ZNF750: variants seen among roughly 807,000 people sequenced by gnomAD.
ZNF750 encodes zinc finger protein 750, also known as protein ZNF750.
ZNF750 carries 10 observed loss-of-function variants against 31.6 expected under a neutral mutation model. The observed-to-expected ratio is 0.32, with a 90% CI of 0.19 to 0.54. ZNF750 has a LOEUF of 0.54. ZNF750 is among the 20% of genes least tolerant of loss of function. ZNF750 has a pLI of 0.95. For synonymous variants in ZNF750, 400 were observed against 404.9 expected, an observed-to-expected ratio of 0.99 and a Z score of 0.15; for missense variants, 914 against 934.9, an observed-to-expected ratio of 0.98 and a Z score of 0.29.
At chr17:82,836,696 AAAC>A (rs1477788967) in intron 1 of ZNF750, among the ~76,000 whole-genome samples, 25 of 143,364 alleles carry the variant, frequency 1.7e-4, no homozygotes, top group African/African-American at 6.8e-4. Flanking sequence ...GCAAAAAAAA[AAAC>A]AAAACAAAAC....
intron 1 of ZNF750, among the ~76,000 whole-genome samples, chr17:82,834,089 C>T (rs1465502883): frequency 2.0e-5 from 3 of 152,148 alleles, no homozygotes; most frequent in East Asian, 1.9e-4. Flanking sequence ...GAATTACAGG[C>T]GCCCACCACC....
chr17:82,839,825 G>A (rs546866090), intron 1 of ZNF750, 102 bp downstream of exon 1: 1 of 152,374 alleles, frequency 6.6e-6, no homozygotes, highest in South Asian at 2.1e-4. Flanking sequence ...GCAAGGCAGA[G>A]CAGACACGGA....
rs2053639637 is a variant in ZNF750 at position 82,832,862 on chromosome 17, T to G, written c.-182-226A>C. 6.6e-6 allele frequency among the ~76,000 whole-genome samples: 1 copy of G among 152,204 alleles called. No homozygotes were observed. The highest frequency in any genetic ancestry group is 1.5e-5 in the Non-Finnish European group (1 of 68,036). ...TGTTTTCTGTTTTCTGAGTCTGATC[T>G]GAAAGAGTCACCTCGGGGCCTAGAG... On this transcript the variant is annotated intron_variant, in intron 1 of 2. Transcript: ENST00000269394. This position sits in a 1 kb window ranked among gnomAD's most constrained non-coding sequence, Gnocchi z 4.9.
Position 82,830,704 on chromosome 17 carries a change from T to G in ZNF750, c.1610A>C (p.Gln537Pro). The G allele has an allele frequency of 1.2e-6, 2 of 1,614,046 alleles. No individual in the cohort carries two copies. Among genetic ancestry groups the G allele is most frequent in the Non-Finnish European group, 1.7e-6 (2 of 1,180,020 alleles). Residue 537 changes from glutamine (Q) to proline (P), a missense_variant, in exon 3 of 3, where the codon CAG (glutamine) becomes CCG (proline). Physicochemically the swap from Gln to Pro is moderately conservative, Grantham distance 76. Transcript: ENST00000269394. Reference sequence around the variant, plus strand: ...CTCTGAGAAGCTGGCGGTTTCCGCCTGGGGGCTGCCTTGGTACGTGGGTTC... The same window carrying G: ...CTCTGAGAAGCTGGCGGTTTCCGCCGGGGGGCTGCCTTGGTACGTGGGTTC... Reference protein sequence around the residue: ...THEPTYQGSPQAETASFSELQ... With the variant: ...THEPTYQGSPPAETASFSELQ...
Position 82,833,498 on chromosome 17 carries a change from T to C in ZNF750, c.-182-862A>G, listed in dbSNP as rs1424287244. ...GTCTCAGATATGAATACAAATGCTA[T>C]ATTTATGTTGACTTAAATGGTTGAA... is the stretch of plus-strand genomic sequence containing the variant. On this transcript the variant is annotated intron_variant, in intron 1 of 2. Transcript: ENST00000269394. This position sits in a 1 kb window ranked among gnomAD's most constrained non-coding sequence, Gnocchi z 4.7. Among the ~76,000 whole-genome samples the C allele has an allele frequency of 6.6e-6, 1 of 152,246 alleles. No individual in the cohort carries two copies. Among genetic ancestry groups the C allele is most frequent in the East Asian group, 1.9e-4 (1 of 5,194 alleles).
In ZNF750 at chr17:82,832,189, T is replaced by C; in HGVS notation, c.266A>G (p.Lys89Arg). 2 of 1,614,254 alleles carry C rather than the reference T, an allele frequency of 1.2e-6. No homozygotes were observed. Among genetic ancestry groups the C allele is most frequent in the Non-Finnish European group, 1.7e-6 (2 of 1,180,044 alleles). The part of the protein sequence containing the change: ...PDATAKPASS[K>R]SVANGLSAFD... ...GGCAGAGAGTCCATTTGCGACAGAC[T>C]TGGAAGAGGCTGGCTTCGCCGTGGC... The change falls in exon 2 of 3, where the codon AAG (lysine) becomes AGG (arginine). Residue 89 changes from lysine to arginine, a missense_variant. Transcript: ENST00000269394. The surrounding 1 kb of genome is among the most constrained non-coding windows in gnomAD (Gnocchi z 4.9).
chr17:82,832,138 G>C lies in ZNF750; in HGVS notation c.317C>G (p.Ser106Cys). Residue 106 changes from serine to cysteine, a missense_variant, in exon 2 of 3, where the codon TCT (serine) becomes TGT (cysteine). Physicochemically the swap from Ser to Cys is moderately radical, Grantham distance 112 (BLOSUM62 -1). Coordinates refer to ENST00000269394, the MANE Select transcript of ZNF750 (RefSeq NM_024702.3). The surrounding 1 kb of genome is among the most constrained non-coding windows in gnomAD (Gnocchi z 4.9). ...GTTTTCCTTGATGTCTTCCCTGGCA[G>C]AGCTGTGCTGAAGCTTCGAGTCGAA... ...SAFDSKLQHS[S>C]AREDIKENLE... 1 of 1,614,230 alleles carries C rather than the reference G, an allele frequency of 6.2e-7. No individual in the cohort carries two copies.
chr17:82,837,246 C>T lies in ZNF750; in HGVS notation c.-183+2681G>A, dbSNP rs565561049. On this transcript the variant is annotated intron_variant, in intron 1 of 2. Transcript: ENST00000269394. Reference sequence around the variant, plus strand: ...TTTATAAGGATGAAGAAACCAAACCCGACGGCCAGTACCTCAGGCTGTCAC... The same window carrying T: ...TTTATAAGGATGAAGAAACCAAACCTGACGGCCAGTACCTCAGGCTGTCAC... 3.3e-5 allele frequency among the ~76,000 whole-genome samples: 5 copies of T among 152,258 alleles called. No homozygotes were observed. In the South Asian group the frequency reaches 1.0e-3, roughly 32 times the overall value.
intron 1 of ZNF750, among the ~76,000 whole-genome samples, chr17:82,836,730 CA>C (rs937552115): frequency 2.3e-4 from 34 of 150,370 alleles, no homozygotes; most frequent in South Asian, 1.3e-3. Flanking sequence ...AACAAAAAAA[CA>C]AAAAAACCCA....
chr17:82,830,763 G>A lies in ZNF750; in HGVS notation c.1551C>T (p.Ser517=). 2 of 1,613,914 alleles carry A rather than the reference G, an allele frequency of 1.2e-6. No individual in the cohort carries two copies. The highest frequency in any genetic ancestry group is 2.7e-5 in the African/African-American group (2 of 75,028). ...DSSGMGPLNL[S]KKSEINLAAT... ...CTGCCAGGTTTATCTCTGATTTCTT[G>A]GAGAGGTTGAGGGGGCCCATCCCGG... Residue 517 remains serine (S), a synonymous_variant, in exon 3 of 3, where the codon TCC becomes TCT. Transcript: ENST00000269394.
chr17:82,839,037 A>C, intron 1 of ZNF750: 1 of 943,484 alleles, frequency 1.1e-6, no homozygotes, highest in Non-Finnish European at 1.3e-6. Flanking sequence ...ATCTGTGTCT[A>C]TATGTACAGA....
Position 82,830,600 on chromosome 17 carries a change from G to A in ZNF750, c.1714C>T (p.Pro572Ser). 1.9e-6 allele frequency: 3 copies of A among 1,614,080 alleles called. No individual in the cohort carries two copies. Among genetic ancestry groups the A allele is most frequent in the Non-Finnish European group, 2.5e-6 (3 of 1,179,984 alleles). ...QAPRPAFPGR[P>S]RAAEPAAAVP... ...GCAGCAGCAGGTTCTGCAGCTCGTG[G>A]TCGACCGGGGAAGGCAGGCCTCGGA... The change falls in exon 3 of 3, where the codon CCA becomes TCA. Residue 572 changes from proline to serine, a missense_variant. By Grantham distance (74) the Pro-to-Ser change is moderately conservative. Transcript: ENST00000269394.
rs758913921 is a variant in ZNF750, at chr17:82,831,094, G to C, written c.1361C>G (p.Ala454Gly). The C allele has an allele frequency of 1.9e-6, 3 of 1,614,202 alleles. No homozygotes were observed. The highest frequency in any genetic ancestry group is 2.5e-6 in the Non-Finnish European group (3 of 1,180,038). Residue 454 changes from alanine (A) to glycine (G), a missense_variant, in exon 2 of 3, where the codon GCC (alanine) becomes GGC (glycine). This residue lies in a region of ZNF750 where 880 missense variants were observed against 868.9 expected (regional missense o/e 1.01). Transcript: ENST00000269394. The surrounding 1 kb of genome is among the most constrained non-coding windows in gnomAD (Gnocchi z 4.6). ...TGTGCTTTTCTTAACAGGCCTGAAG[G>C]CTGTGAGGCTTTGCTCTGGCGGGTA... ...RLYPPEQSLT[A>G]FRPVKKSTEC...
intron 1 of ZNF750, among the ~76,000 whole-genome samples, chr17:82,836,138 G>T (rs1241155761): frequency 1.3e-5 from 2 of 152,248 alleles, no homozygotes; most frequent in South Asian, 2.1e-4. Flanking sequence ...AGTCCCTACC[G>T]TGTGGGGCAG....
chr17:82,830,218 T>C lies in ZNF750; in HGVS notation c.2096A>G (p.Gln699Arg), dbSNP rs1245924205. 4 of 1,614,148 alleles carry C rather than the reference T, an allele frequency of 2.5e-6. No homozygotes were observed. Among genetic ancestry groups the C allele is most frequent in the Non-Finnish European group, 3.4e-6 (4 of 1,180,062 alleles). ...RTSLRDAGKS[Q>R]QGAKKAKLQD... ...CAGCTTCGCCTTCTTAGCTCCTTGCTGGGATTTTCCAGCATCCCTTAGACT... is the reference window on the plus strand; with the variant it reads ...CAGCTTCGCCTTCTTAGCTCCTTGCCGGGATTTTCCAGCATCCCTTAGACT... The change falls in exon 3 of 3, where the codon CAG (glutamine) becomes CGG (arginine). Residue 699 changes from glutamine to arginine, a missense_variant. Transcript: ENST00000269394.
chr17:82,835,086 T>C lies in ZNF750; in HGVS notation c.-182-2450A>G, dbSNP rs1308812666. Among the ~76,000 whole-genome samples, 3 of 152,034 alleles carry C rather than the reference T, an allele frequency of 2.0e-5. No homozygotes were observed. The highest frequency in any genetic ancestry group is 4.4e-5 in the Non-Finnish European group (3 of 67,994). On this transcript the variant is annotated intron_variant, in intron 1 of 2. Coordinates refer to ENST00000269394, the MANE Select transcript of ZNF750 (RefSeq NM_024702.3). The surrounding 1 kb of genome is among the most constrained non-coding windows in gnomAD (Gnocchi z 4.5). ...GCCTCAAAAAAAAGCTAAATGGAAA[T>C]GACTTAAGAAAACTGTTTCAACTGC...
In ZNF750 at chr17:82,832,051, G is replaced by C. The variant is rs757711155; in HGVS notation, c.404C>G (p.Ala135Gly). 6.2e-7 allele frequency: 1 copy of C among 1,613,852 alleles called. No homozygotes were observed. Among genetic ancestry groups the C allele is most frequent in the East Asian group, 2.2e-5 (1 of 44,876 alleles). Residue 135 changes from alanine (A) to glycine (G), a missense_variant, in exon 2 of 3, where the codon GCA (alanine) becomes GGA (glycine). Transcript: ENST00000269394. The surrounding 1 kb of genome is among the most constrained non-coding windows in gnomAD (Gnocchi z 4.9). ...CLGQKPALHR[A>G]SPCKSPAPEA... ...CGGAGCTGGGCTCTTGCAGGGTGAT[G>C]CCCTGTGGAGGGCTGGCTTCTGTCC...
Position 82,831,323 on chromosome 17 carries a change from C to T in ZNF750, c.1132G>A (p.Glu378Lys), listed in dbSNP as rs200817916. Residue 378 changes from glutamate to lysine, a missense_variant, in exon 2 of 3, where the codon GAA (glutamate) becomes AAA (lysine). Glu to Lys is a moderately conservative substitution (Grantham distance 56). Around this residue, in one of 2 missense-constraint regions of ZNF750, gnomAD observed 880 missense variants for 868.9 expected, o/e 1.01. Transcript: ENST00000269394. The surrounding 1 kb of genome is among the most constrained non-coding windows in gnomAD (Gnocchi z 4.6). ...TCTTTAGCCTCAGGAATTGGACTTT[C>T]GAACTCGACGTGTTTTCTGTTGGGG... Reference protein sequence around the residue: ...SDPNRKHVEFESPIPEAKDSS... With the variant: ...SDPNRKHVEFKSPIPEAKDSS... 29 of 1,613,998 alleles carry T rather than the reference C, an allele frequency of 1.8e-5. No individual in the cohort carries two copies. Among genetic ancestry groups the T allele is most frequent in the African/African-American group, 4.0e-5 (3 of 75,034 alleles).
intron 1 of ZNF750, chr17:82,838,706 C>G: frequency 4.1e-6 from 4 of 985,404 alleles, no homozygotes; most frequent in Non-Finnish European, 4.8e-6. Context: ...GAAAGATAAA[C>G]CTCAGGACAA....
Sources: gnomAD v4.1 joint callset for allele counts (sites outside exome capture counted in the v4.1 genomes callset) on GRCh38, gnomAD v4.1.1 for gene constraint, gnomAD v4.1.1 regional missense constraint, Gnocchi (gnomAD v3.1) non-coding constraint, MANE v1.5 for transcripts, NCBI Gene and HGNC (gene_info 2026-07-23, HGNC 2026-07-21) for gene names.